The following ASPH variants were observed in gnomAD, a reference collection of about 807,000 sequenced individuals.
The protein encoded by ASPH is aspartate beta-hydroxylase, also known as aspartyl/asparaginyl beta-hydroxylase.
In ASPH, 100 loss-of-function variants were observed where a neutral mutation model predicts 118.4. The ratio of observed to expected loss-of-function variants is 0.84; its 90% CI spans 0.72 to 1.00. The LOEUF (loss-of-function observed/expected upper bound fraction) is 1.00. Ranked by LOEUF, ASPH falls within the 50% of genes least tolerant of loss-of-function variation. The probability of loss-of-function intolerance (pLI) is 0.00; values close to 1 mark genes in which losing one functional copy is unlikely to be tolerated. For missense variants in ASPH, 920 were observed against 919.5 expected (o/e 1.00, Z -0.01); for synonymous variants, 315 against 325.6 (o/e 0.97, Z 0.35).
chr8:61,576,746 TC>T (rs1563883325), intron 16 of ASPH, 25 bp downstream of exon 16: 1 of 1,586,772 alleles, frequency 6.3e-7, no homozygotes, highest in Admixed American at 1.8e-5. Flanking sequence ...CAAAAAAGTG[TC>T]CTAAGGAGAA....
intron 24 of ASPH, among the ~76,000 whole-genome samples, chr8:61,508,457 T>C (rs984557965): frequency 3.3e-5 from 5 of 152,184 alleles, no homozygotes; most frequent in African/African-American, 1.2e-4. Flanking sequence ...ATAATGATAA[T>C]GATAAAATGG....
chr8:61,623,638 T>TC (rs1314910452), intron 13 of ASPH: 3 of 152,204 alleles, frequency 2.0e-5, no homozygotes, highest in Non-Finnish European at 4.4e-5. Flanking sequence ...CTGGACAATT[T>TC]CCCCATTGTT....
At chr8:61,648,911 G>A (rs930077479) in intron 5 of ASPH, among the ~76,000 whole-genome samples, 8 of 152,214 alleles carry the variant, frequency 5.3e-5, no homozygotes, top group African/African-American at 7.2e-5. Flanking sequence ...GTGATTGGGC[G>A]GGGTGGGAAA....
At chr8:61,677,081 A>T (rs552929821) in intron 3 of ASPH, among the ~76,000 whole-genome samples, 167 of 152,254 alleles carry the variant, frequency 1.1e-3, no homozygotes, top group Non-Finnish European at 2.0e-3. Flanking sequence ...TACCGATATG[A>T]AATGTGATCA....
intron 14 of ASPH, among the ~76,000 whole-genome samples, chr8:61,604,298 G>A (rs1844942899): frequency 6.6e-6 from 1 of 152,108 alleles, no homozygotes; most frequent in Non-Finnish European, 1.5e-5. Context: ...CGAGGCAATG[G>A]TAGTACAGAA....
chr8:61,514,525 C>T (rs570287566), intron 24 of ASPH, among the ~76,000 whole-genome samples: 45 of 152,048 alleles, frequency 3.0e-4, no homozygotes, highest in Admixed American at 5.9e-4. Flanking sequence ...CTGGCTAACA[C>T]GGTGAAACCC....
rs749045468 is a variant in ASPH, at chr8:61,638,364, C to CT, written c.791-2dup. The CT allele has an allele frequency of 5.3e-6, 8 of 1,513,934 alleles. No homozygotes were observed. The highest frequency in any genetic ancestry group is 1.3e-5 in the South Asian group (1 of 79,142). 93.8% of individuals were successfully genotyped at this position (1,513,934 alleles called of 1,614,324 possible). A position where few individuals can be genotyped will look rare whatever the true frequency, so the allele number is the denominator to read the frequency against. ...TCATTTTCTAGAGGTTCATATACTG[C>CT]TAAAAAAAAAAAAACAGAAACAAAA... On this transcript the variant is annotated splice_acceptor_variant, in intron 10 of 24. Coordinates refer to ENST00000379454, the MANE Select transcript of ASPH (RefSeq NM_004318.4). LOFTEE classifies it high-confidence loss of function.
At chr8:61,625,621 T>C in intron 13 of ASPH, 1 of 960,392 alleles carries the variant, frequency 1.0e-6, no homozygotes, top group Non-Finnish European at 1.2e-6. Flanking sequence ...TAAATGATAA[T>C]TTAAAACTTT....
At position 61,638,050 on chromosome 8, in the gene ASPH, T is replaced by C. The variant is rs747577787; in HGVS notation, c.833-47A>G. ...GAATCCATTACATGTTGCTGACCAG[T>C]GACACATCTTACATTCACTCGCCTT... On this transcript the variant is annotated intron_variant, in intron 11 of 24. Coordinates refer to ENST00000379454, the MANE Select transcript of ASPH (RefSeq NM_004318.4). 1.5e-5 allele frequency: 23 copies of C among 1,531,858 alleles called. No homozygotes were observed. The Admixed American group carries it at 3.0e-4, about 20-fold the overall frequency. 94.9% of individuals were successfully genotyped at this position (1,531,858 alleles called of 1,614,324 possible).
chr8:61,646,236 G>A (rs550478851), intron 6 of ASPH, among the ~76,000 whole-genome samples: 4 of 152,298 alleles, frequency 2.6e-5, no homozygotes, highest in Admixed American at 6.5e-5. Flanking sequence ...ATCAAAGGCT[G>A]CTTTTACGCT....
intron 21 of ASPH, among the ~76,000 whole-genome samples, chr8:61,535,031 T>C (rs1255312782): frequency 4.6e-5 from 7 of 152,128 alleles, no homozygotes; most frequent in Admixed American, 4.6e-4. Flanking sequence ...GTGTCTCTCT[T>C]TGTTTCCAAA....
intron 1 of ASPH, 96 bp from the exon 2 acceptor site, chr8:61,684,284 A>C (rs1021182537): frequency 4.9e-5 from 63 of 1,276,448 alleles, no homozygotes; most frequent in Admixed American, 7.8e-5. Flanking sequence ...GATTATGTAC[A>C]ATGATAGATC....
chr8:61,711,496 T>C (rs970578172), intron 1 of ASPH, among the ~76,000 whole-genome samples: 1 of 152,036 alleles, frequency 6.6e-6, no homozygotes, highest in Non-Finnish European at 1.5e-5. Context: ...AAAAGTAAAA[T>C]TGAACTCTGT....
At chr8:61,655,642 T>A (rs564629759) in intron 3 of ASPH, among the ~76,000 whole-genome samples, 20 of 152,334 alleles carry the variant, frequency 1.3e-4, no homozygotes, top group African/African-American at 4.8e-4. Flanking sequence ...TATACCAACA[T>A]TCCGACATAC....
At chr8:61,650,967 T>C in intron 5 of ASPH, 83 bp downstream of exon 5, 2 of 1,408,758 alleles carry the variant, frequency 1.4e-6, no homozygotes, top group Middle Eastern at 2.1e-4. Context: ...AACCTTTAAA[T>C]TTTAAAACAA....
chr8:61,525,384 G>A (rs1420155327), intron 22 of ASPH, among the ~76,000 whole-genome samples: 1 of 151,100 alleles, frequency 6.6e-6, no homozygotes, highest in Non-Finnish European at 1.5e-5. Context: ...ACACACGCTG[G>A]AGCTCCATAT....
chr8:61,538,793 T>C (rs1430025654), intron 21 of ASPH, among the ~76,000 whole-genome samples: 1 of 152,258 alleles, frequency 6.6e-6, no homozygotes, highest in African/African-American at 2.4e-5. Flanking sequence ...GGCAAACTTA[T>C]ATATGATGCT....
chr8:61,567,888 G>T (rs1832272904), intron 16 of ASPH, among the ~76,000 whole-genome samples: 1 of 152,214 alleles, frequency 6.6e-6, no homozygotes, highest in Admixed American at 6.5e-5. Context: ...GAATGGTAAG[G>T]AGTTGCTAAT....
intron 21 of ASPH, 62 bp from the exon 22 acceptor site, chr8:61,526,174 A>T: frequency 6.3e-7 from 1 of 1,580,706 alleles, no homozygotes. Context: ...CCTCATAATG[A>T]CTCTTGTTTT....
Sources: gnomAD v4.1 joint callset for allele counts (sites outside exome capture counted in the v4.1 genomes callset) on GRCh38, gnomAD v4.1.1 for gene constraint, MANE v1.5 for transcripts, NCBI Gene and HGNC (gene_info 2026-07-23, HGNC 2026-07-21) for gene names.